CBX7: variants seen among roughly 807,000 people sequenced by gnomAD.
The protein encoded by CBX7 is chromobox protein homolog 7.
A neutral mutation model predicts 31.4 loss-of-function variants in CBX7; 14 were observed. The observed-to-expected ratio is 0.45, with a 90% CI of 0.29 to 0.70. The LOEUF is 0.70. CBX7 is among the 30% of genes least tolerant of loss of function. The pLI is 0.11. For missense variants in CBX7, 269 were observed against 351.9 expected, an observed-to-expected ratio of 0.76 and a Z score of 1.89; for synonymous variants, 159 against 152.6, an observed-to-expected ratio of 1.04 and a Z score of -0.31.
intron 3 of CBX7, 34 bp downstream of exon 3, chr22:39,141,337 T>G (rs757530524): frequency 6.3e-7 from 1 of 1,594,252 alleles, no homozygotes; most frequent in Non-Finnish European, 8.6e-7. Context: ...GAGCCGGCCC[T>G]AAGCCCCACC....
chr22:39,138,644 G>A lies in CBX7; in HGVS notation c.238C>T (p.Leu80=). The change falls in exon 4 of 6, where the codon CTG becomes TTG. Residue 80 remains leucine, a synonymous_variant. Transcript: ENST00000216133. ...AAAGGCAGGCTGGTTACCTGCAGCAGAAGCCGCTTGGGTTTCGGACCTCTC... is the reference window on the plus strand; with the variant it reads ...AAAGGCAGGCTGGTTACCTGCAGCAAAAGCCGCTTGGGTTTCGGACCTCTC... ...RKRGPKPKRL[L]LQRLYSMDLR... 1 of 1,614,194 alleles carries A rather than the reference G, an allele frequency of 6.2e-7. No homozygotes were observed. Among genetic ancestry groups the A allele is most frequent in the Non-Finnish European group, 8.5e-7 (1 of 1,180,018 alleles).
intron 1 of CBX7, among the ~76,000 whole-genome samples, chr22:39,150,430 C>T (rs946387129): frequency 2.0e-5 from 3 of 152,062 alleles, no homozygotes; most frequent in Non-Finnish European, 4.4e-5. Context: ...GGTGGTCAGC[C>T]CTGTGGTTGT....
chr22:39,136,073 GA>G (rs1456669778), intron 4 of CBX7: 1 of 143,922 alleles, frequency 6.9e-6, no homozygotes, highest in Non-Finnish European at 1.5e-5. Flanking sequence ...CTGGGCGACA[GA>G]GCGAGACTCT....
At chr22:39,136,311 C>T (rs1930252502) in intron 4 of CBX7, 1 of 152,214 alleles carries the variant, frequency 6.6e-6, no homozygotes, top group Non-Finnish European at 1.5e-5. Flanking sequence ...CGAGGAGGGC[C>T]CCAACCACAC....
At chr22:39,134,120 C>A in intron 5 of CBX7, 72 bp from the exon 6 acceptor site, 2 of 1,453,636 alleles carry the variant, frequency 1.4e-6, no homozygotes, top group South Asian at 2.6e-5. Context: ...CCAACCCGAC[C>A]CCAACTCCAG....
intron 2 of CBX7, among the ~76,000 whole-genome samples, chr22:39,143,524 C>G (rs1930534288): frequency 6.6e-6 from 1 of 152,096 alleles, no homozygotes; most frequent in Non-Finnish European, 1.5e-5. Context: ...TTAGTGTAGC[C>G]TAAGTGTTCA....
rs543186398 is a variant in CBX7 at position 39,138,771 on chromosome 22, G to A, written c.180-69C>T. ...ACATCTAAGGGAAGGGAAGGCATCC[G>A]CTTCGCCCGCCCTCTGCTGTCTGTC... On this transcript the variant is annotated intron_variant, in intron 3 of 5. Transcript: ENST00000216133. 5.5e-5 allele frequency: 78 copies of A among 1,410,002 alleles called. 3 individuals carry two copies. In the East Asian group the frequency reaches 8.4e-4, roughly 15 times the overall value. 87.3% of individuals were successfully genotyped at this position (1,410,002 alleles called of 1,614,324 possible).
intron 2 of CBX7, 50 bp downstream of exon 2, chr22:39,149,739 G>A: frequency 6.4e-7 from 1 of 1,563,260 alleles, no homozygotes; most frequent in Non-Finnish European, 8.8e-7. Flanking sequence ...GTGGAGGAAT[G>A]CATGGGTCGG....
At chr22:39,141,070 T>C in intron 3 of CBX7, 1 of 364,348 alleles carries the variant, frequency 2.7e-6, no homozygotes, top group Non-Finnish European at 5.1e-6. Context: ...ACGGCCCCTC[T>C]GAGGTTTCAC....
At position 39,152,467 on chromosome 22, in the gene CBX7, C is replaced by CCGGGG. The variant is rs1316669027; in HGVS notation, c.-28_-24dup. ...CATGCGGGGCGGCGGGCGAGCGGGC[C>CCGGGG]CGGGGCCGGGCCGGGCCGGGGGCGG... is the stretch of plus-strand genomic sequence containing the variant. On this transcript the variant is annotated 5_prime_UTR_variant, in exon 1 of 6. Coordinates refer to ENST00000216133, the MANE Select transcript of CBX7 (RefSeq NM_175709.5). The surrounding 1 kb of genome is among the most constrained non-coding windows in gnomAD (Gnocchi z 4.9). 1 of 1,097,090 alleles carries CCGGGG rather than the reference C, an allele frequency of 9.1e-7. No homozygotes were observed. Among genetic ancestry groups the CCGGGG allele is most frequent in the Non-Finnish European group, 1.1e-6 (1 of 898,614 alleles). The allele number at this position is 1,097,090 out of a possible 1,614,324, so 68.0% of individuals were successfully genotyped here. A position where few individuals can be genotyped will look rare whatever the true frequency, so the allele number is the denominator to read the frequency against.
rs980668744 is a variant in CBX7 at position 39,152,285 on chromosome 22, C to G, written c.69+91G>C. On this transcript the variant is annotated intron_variant, in intron 1 of 5. Transcript: ENST00000216133. The surrounding 1 kb of genome is among the most constrained non-coding windows in gnomAD (Gnocchi z 4.9). Reference sequence around the variant, plus strand: ...GGGCTGCCGGGGCCCCCGCGCCCCGCTTTCCCCTTCAGCCCCAGCGTGGAG... The same window carrying G: ...GGGCTGCCGGGGCCCCCGCGCCCCGGTTTCCCCTTCAGCCCCAGCGTGGAG... 4 of 854,672 alleles carry G rather than the reference C, an allele frequency of 4.7e-6. No homozygotes were observed. The African/African-American group carries it at 5.4e-5, about 12-fold the overall frequency. 52.9% of individuals were successfully genotyped at this position (854,672 alleles called of 1,614,324 possible).
At chr22:39,143,733 G>T (rs1408865314) in intron 2 of CBX7, among the ~76,000 whole-genome samples, 1 of 152,198 alleles carries the variant, frequency 6.6e-6, no homozygotes, top group African/African-American at 2.4e-5. Context: ...TATTCTTACT[G>T]CACCTTTTCT....
In CBX7 at chr22:39,152,352, G is replaced by A; in HGVS notation, c.69+24C>T. On this transcript the variant is annotated intron_variant, in intron 1 of 5. Coordinates refer to ENST00000216133, the MANE Select transcript of CBX7 (RefSeq NM_175709.5). The surrounding 1 kb of genome is among the most constrained non-coding windows in gnomAD (Gnocchi z 4.9). Reference sequence around the variant, plus strand: ...CGGGAGGGACCCCACTGGGGTCCTGGGAGCCGCCCCCGGGCAGCCTCACCT... The same window carrying A: ...CGGGAGGGACCCCACTGGGGTCCTGAGAGCCGCCCCCGGGCAGCCTCACCT... 1 of 1,375,650 alleles carries A rather than the reference G, an allele frequency of 7.3e-7. No individual in the cohort carries two copies. Among genetic ancestry groups the A allele is most frequent in the Non-Finnish European group, 9.5e-7 (1 of 1,056,674 alleles). The allele number at this position is 1,375,650 out of a possible 1,614,324, so 85.2% of individuals were successfully genotyped here.
chr22:39,140,382 A>G (rs1162192454), intron 3 of CBX7, among the ~76,000 whole-genome samples: 2 of 151,968 alleles, frequency 1.3e-5, no homozygotes, highest in Non-Finnish European at 2.9e-5. Flanking sequence ...CCCACCACAC[A>G]CCTGGGAGGC....
intron 3 of CBX7, chr22:39,141,130 A>T: frequency 2.0e-6 from 1 of 489,818 alleles, no homozygotes; most frequent in East Asian, 4.0e-5. Context: ...CAGCAGAGAG[A>T]CTGAGGCCCG....
chr22:39,134,420 C>T lies in CBX7; in HGVS notation c.579G>A (p.Ala193=), dbSNP rs775840100. ...CCTTACCCTCCTCTTCAGGGGGCTG[C>T]GCAGCAGGCTCCCACTCGCCAGCCG... ...LQAAGEWEPA[A]QPPEEEADAD... is the part of the protein sequence containing the mutation. Residue 193 remains alanine, a synonymous_variant, in exon 5 of 6, where the codon GCG becomes GCA. Transcript: ENST00000216133. 31 of 1,600,678 alleles carry T rather than the reference C, an allele frequency of 1.9e-5. 2 individuals are homozygous for T. Among genetic ancestry groups the T allele is most frequent in the South Asian group, 7.7e-5 (7 of 90,824 alleles).
At chr22:39,135,069 G>A in intron 4 of CBX7, 1 of 348,782 alleles carries the variant, frequency 2.9e-6, no homozygotes, top group Non-Finnish European at 5.2e-6. Flanking sequence ...AAACAAATCT[G>A]GATGCATTAA....
intron 1 of CBX7, among the ~76,000 whole-genome samples, chr22:39,151,101 C>G (rs533170528): frequency 5.3e-5 from 8 of 152,330 alleles, no homozygotes; most frequent in African/African-American, 1.7e-4. Context: ...GAATGATGAT[C>G]TCGCCCTCTT....
intron 2 of CBX7, 71 bp from the exon 3 acceptor site, chr22:39,141,507 G>C (rs1601561075): frequency 4.5e-6 from 6 of 1,334,600 alleles, no homozygotes; most frequent in Admixed American, 2.0e-5. Flanking sequence ...CCAGCACTTT[G>C]GGAGGCCGAG....
Sources: gnomAD v4.1 joint callset for allele counts (sites outside exome capture counted in the v4.1 genomes callset) on GRCh38, gnomAD v4.1.1 for gene constraint, Gnocchi (gnomAD v3.1) non-coding constraint, MANE v1.5 for transcripts, NCBI Gene and HGNC (gene_info 2026-07-23, HGNC 2026-07-21) for gene names.